The following DISP1 variants were observed in gnomAD, a reference collection of about 807,000 sequenced individuals.
DISP1 encodes the protein protein dispatched homolog 1.
A neutral mutation model predicts 37.3 loss-of-function variants in DISP1; 30 were observed. That is an observed-to-expected ratio of 0.80 (90% CI 0.60 to 1.09). The LOEUF (loss-of-function observed/expected upper bound fraction) is 1.09. Among genes scored for constraint, DISP1 ranks in the 50% least tolerant of loss-of-function variants. The pLI, the probability that DISP1 is intolerant of heterozygous loss-of-function variation, is 0.00. For synonymous variants in DISP1, 634 were observed against 690.2 expected (o/e 0.92, Z 1.28); for missense variants, 1,598 against 1,879.5 (o/e 0.85, Z 2.77).
intron 1 of DISP1, among the ~76,000 whole-genome samples, chr1:222,861,252 C>T (rs1668865630): frequency 6.6e-6 from 1 of 152,140 alleles, no homozygotes; most frequent in South Asian, 2.1e-4. Flanking sequence ...CCTGTTTTAA[C>T]TCTGAGTTTC....
rs1403384115 is a variant in DISP1 at position 223,004,148 on chromosome 1, T to A, written c.2751T>A (p.Asn917Lys). 2.5e-6 allele frequency: 4 copies of A among 1,614,084 alleles called. No individual in the cohort carries two copies. Among genetic ancestry groups the A allele is most frequent in the Non-Finnish European group, 3.4e-6 (4 of 1,180,034 alleles). Reference sequence around the variant, plus strand: ...CCCCAGGGCCGAGGTTTGATATCAATGATACTATCAGGGCAGTGGTGTTAG... The same window carrying A: ...CCCCAGGGCCGAGGTTTGATATCAAAGATACTATCAGGGCAGTGGTGTTAG... ...SKTPGPRFDI[N>K]DTIRAVVLEF... Residue 917 changes from asparagine (N) to lysine (K), a missense_variant, in exon 9 of 9, where the codon AAT becomes AAA. Coordinates refer to ENST00000675850, the MANE Select transcript of DISP1 (RefSeq NM_001377229.1). This position sits in a 1 kb window ranked among gnomAD's most constrained non-coding sequence, Gnocchi z 4.9.
At chr1:222,970,018 C>T (rs1422554336) in intron 3 of DISP1, among the ~76,000 whole-genome samples, 3 of 152,008 alleles carry the variant, frequency 2.0e-5, no homozygotes, top group Non-Finnish European at 1.5e-5. Context: ...AAAAGAGGGG[C>T]GTATATTGCC....
chr1:222,847,731 A>G (rs886568725), intron 1 of DISP1, among the ~76,000 whole-genome samples: 1 of 152,182 alleles, frequency 6.6e-6, no homozygotes, highest in African/African-American at 2.4e-5. Flanking sequence ...AGCCATGTGC[A>G]ACCCAGGGGG....
intron 2 of DISP1, among the ~76,000 whole-genome samples, chr1:222,931,638 A>C (rs1328778965): frequency 6.6e-6 from 1 of 151,482 alleles, no homozygotes; most frequent in African/African-American, 2.4e-5. Flanking sequence ...CAGGCTGTCT[A>C]ACCCTAGAAT....
Position 222,990,760 on chromosome 1 carries a change from T to C in DISP1, c.663+12T>C, listed in dbSNP as rs757114457. The C allele has an allele frequency of 8.7e-6, 14 of 1,613,812 alleles. No individual in the cohort carries two copies. The highest frequency in any genetic ancestry group is 1.2e-5 in the Non-Finnish European group (14 of 1,179,800). Reference sequence around the variant, plus strand: ...CTGATCCATTGCTGGTAACTAACTTTTATGTTTTCTTTAGCCTAAAATCAT... The same window carrying C: ...CTGATCCATTGCTGGTAACTAACTTCTATGTTTTCTTTAGCCTAAAATCAT... On this transcript the variant is annotated intron_variant, in intron 5 of 8. Transcript: ENST00000675850.
intron 1 of DISP1, among the ~76,000 whole-genome samples, chr1:222,919,200 A>C (rs944462285): frequency 6.6e-6 from 1 of 152,256 alleles, no homozygotes; most frequent in African/African-American, 2.4e-5. Context: ...GTGCAGGCCG[A>C]AAGAGTGGGG....
At chr1:222,957,145 T>TC in intron 3 of DISP1, among the ~76,000 whole-genome samples, 1 of 103,254 alleles carries the variant, frequency 9.7e-6, no homozygotes, top group African/African-American at 3.7e-5. Flanking sequence ...TTTACTATTG[T>TC]AAAAAAAAAA....
At chr1:222,919,499 T>G (rs1024253096) in intron 1 of DISP1, among the ~76,000 whole-genome samples, 5 of 152,188 alleles carry the variant, frequency 3.3e-5, no homozygotes, top group African/African-American at 1.2e-4. Context: ...CTGCCTTTGC[T>G]CACTAGAAGC....
intron 1 of DISP1, among the ~76,000 whole-genome samples, chr1:222,844,897 G>A (rs899019271): frequency 3.9e-5 from 6 of 152,218 alleles, no homozygotes; most frequent in African/African-American, 1.4e-4. Context: ...TGTAGACCAC[G>A]AAAGAGGTAT....
At chr1:222,840,687 C>T (rs982563826) in intron 1 of DISP1, among the ~76,000 whole-genome samples, 10 of 151,384 alleles carry the variant, frequency 6.6e-5, no homozygotes, top group South Asian at 2.1e-4. Context: ...CTCAGCCTCC[C>T]GAGTAGCTGG....
At chr1:222,938,733 T>TAAAAAAA (rs33948431) in intron 2 of DISP1, among the ~76,000 whole-genome samples, 1 of 57,620 alleles carries the variant, frequency 1.7e-5, no homozygotes, top group Non-Finnish European at 3.1e-5. Flanking sequence ...ACCCTGTCTT[T>TAAAAAAA]AAAAAAAAAA....
intron 1 of DISP1, among the ~76,000 whole-genome samples, chr1:222,887,050 T>A (rs1670637250): frequency 6.6e-6 from 1 of 152,222 alleles, no homozygotes; most frequent in Non-Finnish European, 1.5e-5. Context: ...AGTTTGTGAT[T>A]GAGACATTTT....
intron 1 of DISP1, among the ~76,000 whole-genome samples, chr1:222,868,307 G>A (rs1669315506): frequency 6.6e-6 from 1 of 151,872 alleles, no homozygotes; most frequent in Non-Finnish European, 1.5e-5. Context: ...AGAGTAATAT[G>A]TGTTATCCAA....
At chr1:222,936,835 A>ATATATAATATATATGATATATAATT (rs1673862482) in intron 2 of DISP1, among the ~76,000 whole-genome samples, 1 of 38,944 alleles carries the variant, frequency 2.6e-5, no homozygotes, top group Non-Finnish European at 4.4e-5. Flanking sequence ...TATATAAATT[A>ATATATAATATATATGATATATAATT]TATATATCAT....
intron 4 of DISP1, among the ~76,000 whole-genome samples, chr1:222,984,569 TA>T (rs1204832887): frequency 6.6e-6 from 1 of 151,096 alleles, no homozygotes; most frequent in East Asian, 1.9e-4. Context: ...TGACATACTT[TA>T]AATGTTATAA....
At chr1:222,856,592 T>C (rs1322948140) in intron 1 of DISP1, among the ~76,000 whole-genome samples, 1 of 152,196 alleles carries the variant, frequency 6.6e-6, no homozygotes, top group Non-Finnish European at 1.5e-5. Context: ...TTTTGGAAGT[T>C]GGTGTCATGG....
Position 222,819,172 on chromosome 1 carries a change from C to T in DISP1, c.-159+4094C>T, listed in dbSNP as rs1572098711. ...CCCTGTGCTCGTCGTTTCTCCTGCT[C>T]CAGCCATGTAGGACACACTGGTTTC... On this transcript the variant is annotated intron_variant, in intron 1 of 8. Transcript: ENST00000675850. Among the ~76,000 whole-genome samples, 3 of 152,290 alleles carry T rather than the reference C, an allele frequency of 2.0e-5. No individual in the cohort carries two copies. In the South Asian group the frequency reaches 6.2e-4, roughly 32 times the overall value.
rs67660273 is a variant in DISP1 at position 222,984,435 on chromosome 1, T to TATATATAGAGAGAGAGAGAG, written c.539+1327_539+1328insTATATAGAGAGAGAGAGAGA. 8.3e-5 allele frequency among the ~76,000 whole-genome samples: 9 copies of TATATATAGAGAGAGAGAGAG among 108,372 alleles called. No homozygotes were observed. In the South Asian group the frequency reaches 1.3e-3, roughly 16 times the overall value. The allele number at this position is 108,372 out of a possible 152,430, so 71.1% of individuals were successfully genotyped here. A position where few individuals can be genotyped will look rare whatever the true frequency, so the allele number is the denominator to read the frequency against. ...AAAAAAAAAAAAATATATATATATA[T>TATATATAGAGAGAGAGAGAG]AGAGAGAGAGAGAGAGAGAGAGAGC... On this transcript the variant is annotated intron_variant, in intron 4 of 8. Coordinates refer to ENST00000675850, the MANE Select transcript of DISP1 (RefSeq NM_001377229.1).
chr1:222,940,335 A>G (rs993207204), intron 2 of DISP1, among the ~76,000 whole-genome samples: 1 of 152,048 alleles, frequency 6.6e-6, no homozygotes, highest in Non-Finnish European at 1.5e-5. Context: ...GACATGTGTC[A>G]CATGCTTTTA....
Sources: gnomAD v4.1 joint callset for allele counts (sites outside exome capture counted in the v4.1 genomes callset) on GRCh38, gnomAD v4.1.1 for gene constraint, Gnocchi (gnomAD v3.1) non-coding constraint, MANE v1.5 for transcripts, NCBI Gene and HGNC (gene_info 2026-07-23, HGNC 2026-07-21) for gene names.